TRIP4: variants seen among roughly 807,000 people sequenced by gnomAD.
TRIP4 encodes the protein activating signal cointegrator 1.
In TRIP4, 54 loss-of-function variants were observed where a neutral mutation model predicts 81.8. The observed-to-expected ratio is 0.66, with a 90% CI of 0.53 to 0.83. The LOEUF (loss-of-function observed/expected upper bound fraction) is 0.83. Among genes scored for constraint, TRIP4 ranks in the 40% least tolerant of loss-of-function variants. The pLI is 0.00. For synonymous variants in TRIP4, 270 were observed against 242.8 expected (o/e 1.11, Z -1.04); for missense variants, 662 against 683.6 (o/e 0.97, Z 0.35).
chr15:64,390,639 C>A (rs1011946646), intron 1 of TRIP4, among the ~76,000 whole-genome samples: 2 of 151,594 alleles, frequency 1.3e-5, no homozygotes, highest in African/African-American at 4.8e-5. Flanking sequence ...GCCTGTAATC[C>A]TAGCACTTTA....
intron 1 of TRIP4, among the ~76,000 whole-genome samples, chr15:64,389,501 AT>A (rs201347624): frequency 6.6e-6 from 1 of 151,990 alleles, no homozygotes; most frequent in East Asian, 1.9e-4. Flanking sequence ...AAGATAAAGG[AT>A]TTTTTTTAAC....
chr15:64,415,945 G>A (rs1891883732), intron 8 of TRIP4, among the ~76,000 whole-genome samples: 1 of 152,194 alleles, frequency 6.6e-6, no homozygotes, highest in Admixed American at 6.5e-5. Context: ...GGAGGGAAGA[G>A]TAAGTAAGAT....
At chr15:64,414,661 T>G (rs1006344132) in intron 8 of TRIP4, among the ~76,000 whole-genome samples, 6 of 151,592 alleles carry the variant, frequency 4.0e-5, no homozygotes, top group African/African-American at 1.5e-4. Flanking sequence ...GGACTACAGG[T>G]GCCCGCTACC....
chr15:64,405,987 G>A (rs1171730334), intron 5 of TRIP4, among the ~76,000 whole-genome samples: 1 of 152,184 alleles, frequency 6.6e-6, no homozygotes, highest in African/African-American at 2.4e-5. Flanking sequence ...ATTAGATCCT[G>A]TCTTGAAAAA....
At chr15:64,419,390 T>TCTGTCTC (rs1891958595) in intron 9 of TRIP4, among the ~76,000 whole-genome samples, 1 of 151,750 alleles carries the variant, frequency 6.6e-6, no homozygotes, top group Non-Finnish European at 1.5e-5. Context: ...GACCGAGTCT[T>TCTGTCTC]GCTCTGTCAC....
intron 6 of TRIP4, among the ~76,000 whole-genome samples, chr15:64,406,842 G>A (rs1891633513): frequency 6.6e-6 from 1 of 152,176 alleles, no homozygotes; most frequent in Non-Finnish European, 1.5e-5. Flanking sequence ...TTGCCTCTGG[G>A]AGAACACAGG....
Position 64,418,578 on chromosome 15 carries a change from CT to C in TRIP4, c.1211del (p.Phe404SerfsTer8). ...ACAGGTGCAGCCTCACAGAAGAAGG[CT>C]TTCCGTTCTTCAGGATTTGGACTAG... ...DHTGAASQKKAFRSSGFGLEF... is the reference protein window; with the variant it reads ...DHTGAASQKKXFRSSGFGLEF... On this transcript the variant is annotated frameshift_variant, in exon 9 of 13. Coordinates refer to ENST00000261884, the MANE Select transcript of TRIP4 (RefSeq NM_016213.5). LOFTEE classifies it high-confidence loss of function. 6.2e-7 allele frequency: 1 copy of C among 1,613,230 alleles called. No individual in the cohort carries two copies.
At chr15:64,407,229 C>T (rs1891644148) in intron 6 of TRIP4, among the ~76,000 whole-genome samples, 1 of 152,176 alleles carries the variant, frequency 6.6e-6, no homozygotes. Context: ...ATTCCTGCTA[C>T]TTCCAAACCA....
chr15:64,411,012 A>G (rs539065074), intron 7 of TRIP4, among the ~76,000 whole-genome samples: 2 of 152,288 alleles, frequency 1.3e-5, no homozygotes, highest in South Asian at 2.1e-4. Flanking sequence ...ATTTGGCTTA[A>G]ATTTTTTTTA....
intron 9 of TRIP4, among the ~76,000 whole-genome samples, chr15:64,419,347 TTTTTCTTTTC>T (rs1209842729): frequency 3.3e-5 from 5 of 152,066 alleles, no homozygotes; most frequent in African/African-American, 9.7e-5. Flanking sequence ...GTCTTGTGTT[TTTTTCTTTTC>T]TTTTCTTTTC....
intron 12 of TRIP4, among the ~76,000 whole-genome samples, chr15:64,447,963 C>T (rs533066415): frequency 2.6e-5 from 4 of 152,216 alleles, no homozygotes; most frequent in Non-Finnish European, 4.4e-5. Flanking sequence ...CCTCCTAAAG[C>T]GTTAGGATTA....
At chr15:64,450,619 T>C (rs1207621379) in intron 12 of TRIP4, 3 of 455,544 alleles carry the variant, frequency 6.6e-6, no homozygotes, top group East Asian at 6.9e-5. Flanking sequence ...ATGTCCATGA[T>C]TGTAAGGAGT....
In TRIP4 at chr15:64,435,525, CAA is replaced by C. The variant is rs35102130; in HGVS notation, c.1576-9465_1576-9464del. On this transcript the variant is annotated intron_variant, in intron 11 of 12. Coordinates refer to ENST00000261884, the MANE Select transcript of TRIP4 (RefSeq NM_016213.5). The stretch of plus-strand genomic sequence containing the variant: ...TGGGCGACAGAGTGAGACTCTGTCT[CAA>C]AAAAAAAAAAAAAAATATTATTATT... Among the ~76,000 whole-genome samples, 857 of 108,296 alleles carry C rather than the reference CAA, an allele frequency of 7.9e-3. 7 individuals are homozygous for C. The highest frequency in any genetic ancestry group is 0.022 in the East Asian group (84 of 3,768). 71.0% of individuals were successfully genotyped at this position (108,296 alleles called of 152,430 possible).
At chr15:64,412,719 AATT>A (rs1891796121) in intron 7 of TRIP4, among the ~76,000 whole-genome samples, 1 of 152,158 alleles carries the variant, frequency 6.6e-6, no homozygotes. Flanking sequence ...TGTGCCTCAC[AATT>A]ATTATTGTTA....
intron 9 of TRIP4, among the ~76,000 whole-genome samples, chr15:64,419,647 C>T (rs553347421): frequency 6.6e-6 from 1 of 151,648 alleles, no homozygotes; most frequent in African/African-American, 2.4e-5. Flanking sequence ...CGTGAACCAC[C>T]GCGCCTGGTG....
intron 4 of TRIP4, among the ~76,000 whole-genome samples, chr15:64,398,424 CAAAA>C (rs745672952): frequency 1.2e-4 from 2 of 16,306 alleles, no homozygotes; most frequent in African/African-American, 3.0e-4. Context: ...CCTGTCTCTA[CAAAA>C]AAAAAAAAAA....
chr15:64,410,759 A>C (rs1217512311), intron 7 of TRIP4, among the ~76,000 whole-genome samples: 1 of 152,168 alleles, frequency 6.6e-6, no homozygotes, highest in Non-Finnish European at 1.5e-5. Context: ...GACAGTACCA[A>C]GTTGGAAGAA....
In TRIP4 at chr15:64,404,183, T is replaced by G. The variant is rs1596340186; in HGVS notation, c.698-2147T>G. Among the ~76,000 whole-genome samples the G allele has an allele frequency of 2.6e-5, 4 of 151,396 alleles. No homozygotes were observed. The South Asian group carries it at 8.3e-4, about 32-fold the overall frequency. On this transcript the variant is annotated intron_variant, in intron 5 of 12. Coordinates refer to ENST00000261884, the MANE Select transcript of TRIP4 (RefSeq NM_016213.5). ...CCAGCCTGGGCAACGAGAGTGAAAC[T>G]CCATCTCAAAAAAAAAAAATCATAT... is the stretch of plus-strand genomic sequence containing the variant.
chr15:64,431,847 A>ATATATATATATATATATATATATATT, intron 11 of TRIP4, among the ~76,000 whole-genome samples: 3 of 119,558 alleles, frequency 2.5e-5, no homozygotes, highest in African/African-American at 9.8e-5. Flanking sequence ...ATATATATAT[A>ATATATATATATATATATATATATATT]TTTTTTTTAT....
Sources: gnomAD v4.1 joint callset for allele counts (sites outside exome capture counted in the v4.1 genomes callset) on GRCh38, gnomAD v4.1.1 for gene constraint, MANE v1.5 for transcripts, NCBI Gene and HGNC (gene_info 2026-07-23, HGNC 2026-07-21) for gene names.